ADAM29: variants seen among roughly 807,000 people sequenced by gnomAD.
The protein encoded by ADAM29 is disintegrin and metalloproteinase domain-containing protein 29.
For missense variants in ADAM29, 969 were observed against 1,001.8 expected (o/e 0.97, Z 0.44); for synonymous variants, 367 against 342.3 (o/e 1.07, Z -0.80).
chr4:174,968,310 C>A (rs1451548692), intron 4 of ADAM29, among the ~76,000 whole-genome samples: 1 of 152,134 alleles, frequency 6.6e-6, no homozygotes, highest in East Asian at 1.9e-4. Flanking sequence ...CCCTCTGGAA[C>A]AGCTCTAGCT....
chr4:174,948,680 A>G (rs1217705978), intron 4 of ADAM29, among the ~76,000 whole-genome samples: 1 of 152,192 alleles, frequency 6.6e-6, no homozygotes, highest in Non-Finnish European at 1.5e-5. Context: ...GGTGGGGTGC[A>G]TGCATGTTGG....
chr4:174,946,013 T>C (rs1305545225), intron 4 of ADAM29, among the ~76,000 whole-genome samples: 1 of 152,174 alleles, frequency 6.6e-6, no homozygotes, highest in African/African-American at 2.4e-5. Context: ...AAACTTTTTT[T>C]CTAATTATGT....
chr4:174,962,131 A>C (rs1172873245), intron 4 of ADAM29, among the ~76,000 whole-genome samples: 1 of 152,222 alleles, frequency 6.6e-6, no homozygotes, highest in Admixed American at 6.5e-5. Flanking sequence ...TAAACTTTTA[A>C]AGTAAATACT....
At chr4:174,964,608 C>T (rs1579070761) in intron 4 of ADAM29, among the ~76,000 whole-genome samples, 2 of 151,938 alleles carry the variant, frequency 1.3e-5, no homozygotes, top group Non-Finnish European at 2.9e-5. Context: ...AAATATTTTA[C>T]TATGTAACTA....
Position 174,976,354 on chromosome 4 carries a change from A to C in ADAM29, c.829A>C (p.Ile277Leu), listed in dbSNP as rs759321988. Residue 277 changes from isoleucine to leucine, a missense_variant, in exon 5 of 5, where the codon ATT becomes CTT. Coordinates refer to ENST00000359240, the MANE Select transcript of ADAM29 (RefSeq NM_014269.4). ...HLYCKWKSEN[I>L]TPRMQHDTSH... The stretch of plus-strand genomic sequence containing the variant: ...GTATTGCAAGTGGAAGTCGGAGAAC[A>C]TTACGCCCCGGATGCAACATGACAC... 1 of 1,608,326 alleles carries C rather than the reference A, an allele frequency of 6.2e-7. No homozygotes were observed. Among genetic ancestry groups the C allele is most frequent in the Non-Finnish European group, 8.5e-7 (1 of 1,177,880 alleles).
intron 4 of ADAM29, among the ~76,000 whole-genome samples, chr4:174,956,809 T>C (rs1254467119): frequency 6.6e-6 from 1 of 151,892 alleles, no homozygotes; most frequent in Non-Finnish European, 1.5e-5. Flanking sequence ...CTTATCACAC[T>C]ATGCACTCTC....
At chr4:174,958,962 A>G (rs1177530733) in intron 4 of ADAM29, among the ~76,000 whole-genome samples, 1 of 144,880 alleles carries the variant, frequency 6.9e-6, no homozygotes, top group Non-Finnish European at 1.5e-5. Flanking sequence ...ACTTACTTAT[A>G]TTCTTGAATT....
At position 174,960,969 on chromosome 4, in the gene ADAM29, A is replaced by C. The variant is rs550379548; in HGVS notation, c.-180-14377A>C. Among the ~76,000 whole-genome samples the C allele has an allele frequency of 1.1e-4, 17 of 152,220 alleles. No homozygotes were observed. In the East Asian group the frequency reaches 3.1e-3, roughly 28 times the overall value. On this transcript the variant is annotated intron_variant, in intron 4 of 4. Coordinates refer to ENST00000359240, the MANE Select transcript of ADAM29 (RefSeq NM_014269.4). ...CTCCTTTGCTTCAACCTTACAAGAA[A>C]AGTGACCTGTAGTAACTTTACGTTA...
At chr4:174,937,778 A>G (rs774570870) in intron 4 of ADAM29, among the ~76,000 whole-genome samples, 1 of 151,994 alleles carries the variant, frequency 6.6e-6, no homozygotes, top group Non-Finnish European at 1.5e-5. Context: ...TCCAAATCAC[A>G]TTTTATACTT....
intron 4 of ADAM29, among the ~76,000 whole-genome samples, chr4:174,942,233 TG>T (rs571335536): frequency 3.4e-4 from 52 of 152,280 alleles, no homozygotes; most frequent in African/African-American, 1.2e-3. Context: ...TCTACCATTC[TG>T]GGGTCTGGAG....
chr4:174,952,716 C>T lies in ADAM29; in HGVS notation c.-181+15703C>T, dbSNP rs554007756. On this transcript the variant is annotated intron_variant, in intron 4 of 4. Transcript: ENST00000359240. ...GTGTTTCTGGTATTCTGTCGTTCAC[C>T]TCTAGTGTGAATGGGAAATAAAAGC... Among the ~76,000 whole-genome samples the T allele has an allele frequency of 5.7e-5, 8 of 139,700 alleles. No homozygotes were observed. The South Asian group carries it at 1.7e-3, about 29-fold the overall frequency. The allele number at this position is 139,700 out of a possible 152,430, so 91.6% of individuals were successfully genotyped here.
At chr4:174,971,465 T>A (rs574065239) in intron 4 of ADAM29, among the ~76,000 whole-genome samples, 1 of 152,298 alleles carries the variant, frequency 6.6e-6, no homozygotes, top group Non-Finnish European at 1.5e-5. Context: ...TCCTCCACTA[T>A]TAAAGGCCAG....
intron 4 of ADAM29, among the ~76,000 whole-genome samples, chr4:174,963,589 A>C (rs1352639333): frequency 6.6e-6 from 1 of 152,254 alleles, no homozygotes. Flanking sequence ...TCACTACTTT[A>C]AATATATATT....
chr4:174,975,450 G>A lies in ADAM29; in HGVS notation c.-76G>A. On this transcript the variant is annotated 5_prime_UTR_variant, in exon 5 of 5. Coordinates refer to ENST00000359240, the MANE Select transcript of ADAM29 (RefSeq NM_014269.4). ...AGGAGCCACACCACCTGTGACTCCA[G>A]CCCTGACTTCTGCTCTGGACCAGTG... is the stretch of plus-strand genomic sequence containing the variant. 5.6e-6 allele frequency: 8 copies of A among 1,427,738 alleles called. No individual in the cohort carries two copies. Among genetic ancestry groups the A allele is most frequent in the Non-Finnish European group, 7.4e-6 (8 of 1,077,166 alleles). The allele number at this position is 1,427,738 out of a possible 1,614,324, so 88.4% of individuals were successfully genotyped here.
At position 174,977,481 on chromosome 4, in the gene ADAM29, C is replaced by A. The variant is rs781501164; in HGVS notation, c.1956C>A (p.Asn652Lys). 31 of 1,614,106 alleles carry A rather than the reference C, an allele frequency of 1.9e-5. No homozygotes were observed. The African/African-American group carries it at 3.5e-4, about 18-fold the overall frequency. ...GCAATTATCTGTGGGACCCTCCCAACTGCCTGATAAAAGGCTATGGAGGTA... is the reference window on the plus strand; with the variant it reads ...GCAATTATCTGTGGGACCCTCCCAAATGCCTGATAAAAGGCTATGGAGGTA... The part of the protein sequence containing the change: ...CHCNYLWDPP[N>K]CLIKGYGGSV... The change falls in exon 5 of 5, where the codon AAC (asparagine) becomes AAA (lysine). Residue 652 changes from asparagine (N) to lysine (K), a missense_variant. Coordinates refer to ENST00000359240, the MANE Select transcript of ADAM29 (RefSeq NM_014269.4).
chr4:174,965,509 A>ATCTATCTG (rs1746102674), intron 4 of ADAM29, among the ~76,000 whole-genome samples: 1 of 149,750 alleles, frequency 6.7e-6, no homozygotes, highest in African/African-American at 2.5e-5. Context: ...CTATCTATCT[A>ATCTATCTG]TCTATCTATC....
intron 3 of ADAM29, among the ~76,000 whole-genome samples, chr4:174,932,843 G>T (rs1343389960): frequency 6.6e-6 from 1 of 152,146 alleles, no homozygotes; most frequent in East Asian, 1.9e-4. Flanking sequence ...AGTATGGAAC[G>T]ATGAAAAGAA....
At chr4:174,959,385 A>G (rs1745681813) in intron 4 of ADAM29, among the ~76,000 whole-genome samples, 1 of 150,262 alleles carries the variant, frequency 6.7e-6, no homozygotes, top group Admixed American at 6.6e-5. Flanking sequence ...TTCCTTCAAG[A>G]CCTTTTTTTT....
At chr4:174,962,685 G>T (rs1320020975) in intron 4 of ADAM29, among the ~76,000 whole-genome samples, 2 of 151,824 alleles carry the variant, frequency 1.3e-5, no homozygotes, top group African/African-American at 2.4e-5. Context: ...TAAATAGCTA[G>T]ATTTAACCAT....
Sources: gnomAD v4.1 joint callset for allele counts (sites outside exome capture counted in the v4.1 genomes callset) on GRCh38, gnomAD v4.1.1 for gene constraint, MANE v1.5 for transcripts, NCBI Gene and HGNC (gene_info 2026-07-23, HGNC 2026-07-21) for gene names.